The following PCDH11X variants were observed in gnomAD, a reference collection of about 807,000 sequenced individuals.
PCDH11X encodes protocadherin-11 X-linked.
PCDH11X carries 18 observed loss-of-function variants against 53.3 expected under a neutral mutation model. The ratio of observed to expected loss-of-function variants is 0.34; its 90% confidence interval spans 0.23 to 0.50. The LOEUF (loss-of-function observed/expected upper bound fraction) is 0.50, where lower values mean the gene tolerates loss of function less well. Among genes scored for constraint, PCDH11X ranks in the 20% least tolerant of loss-of-function variants. PCDH11X has a pLI of 0.98. For missense variants in PCDH11X, 570 were observed against 1,032.4 expected, an observed-to-expected ratio of 0.55 and a Z score of 6.14; for synonymous variants, 279 against 393.3, an observed-to-expected ratio of 0.71 and a Z score of 3.44.
intron 6 of PCDH11X, among the ~76,000 whole-genome samples, chrX:92,107,836 C>T (rs1340792346): frequency 8.9e-6 from 1 of 112,211 alleles, no homozygotes; most frequent in Non-Finnish European, 1.9e-5. Flanking sequence ...CATGGTCACT[C>T]ATATTTGGCT....
At chrX:92,412,506 ATAG>A (rs768818663) in intron 9 of PCDH11X, among the ~76,000 whole-genome samples, 4,857 of 55,852 alleles carry the variant, frequency 0.087, 145 homozygotes, top group South Asian at 0.16. Flanking sequence ...AATAAAGAAA[ATAG>A]TATATATATA....
intron 8 of PCDH11X, among the ~76,000 whole-genome samples, chrX:92,358,180 A>T (rs1318149062): frequency 3.8e-5 from 4 of 104,409 alleles, no homozygotes; most frequent in African/African-American, 6.9e-5. Flanking sequence ...TAGCTAAAAA[A>T]ATTATAGGTC....
At chrX:92,155,686 G>A (rs1369271148) in intron 6 of PCDH11X, among the ~76,000 whole-genome samples, 1 of 102,797 alleles carries the variant, frequency 9.7e-6, no homozygotes, top group East Asian at 3.1e-4. Flanking sequence ...GAGTGCAGTG[G>A]CGCCATCTCG....
intron 7 of PCDH11X, among the ~76,000 whole-genome samples, chrX:92,251,161 C>T (rs146115424): frequency 0.052 from 5,762 of 110,273 alleles, 260 homozygotes; most frequent in East Asian, 0.21. Context: ...CTATTGTACA[C>T]ATTATAGAAC....
chrX:91,913,688 A>G (rs781231546), intron 6 of PCDH11X, among the ~76,000 whole-genome samples: 24 of 111,595 alleles, frequency 2.2e-4, no homozygotes, highest in Non-Finnish European at 4.1e-4. Context: ...AACACCTGAG[A>G]AACCAAAATA....
At chrX:92,568,417 G>A (rs1259318613) in intron 10 of PCDH11X, among the ~76,000 whole-genome samples, 1 of 102,866 alleles carries the variant, frequency 9.7e-6, no homozygotes, top group Non-Finnish European at 2.0e-5. Flanking sequence ...GTGAGACTCT[G>A]TCTCCAAAAA....
intron 8 of PCDH11X, among the ~76,000 whole-genome samples, chrX:92,323,737 TC>T (rs1753594263): frequency 9.0e-6 from 1 of 110,566 alleles, no homozygotes; most frequent in Non-Finnish European, 1.9e-5. Context: ...TATTAATCAC[TC>T]CCCAAGACCA....
intron 6 of PCDH11X, among the ~76,000 whole-genome samples, chrX:92,121,632 G>A (rs1368945998): frequency 6.3e-5 from 7 of 111,778 alleles, no homozygotes; most frequent in African/African-American, 1.3e-4. Context: ...TTCTTGGACC[G>A]TATTAGCAAT....
chrX:91,802,267 G>T (rs1251969165), intron 1 of PCDH11X, among the ~76,000 whole-genome samples: 1 of 112,617 alleles, frequency 8.9e-6, no homozygotes, highest in Non-Finnish European at 1.9e-5. Flanking sequence ...TGTGTCTTTT[G>T]TCATTTTTTC....
At chrX:92,175,754 A>ATGTG (rs1181578637) in intron 6 of PCDH11X, among the ~76,000 whole-genome samples, 4 of 20,880 alleles carry the variant, frequency 1.9e-4, no homozygotes, top group African/African-American at 4.3e-4. Context: ...GTGTATACAT[A>ATGTG]TATGTGTGTG....
intron 6 of PCDH11X, among the ~76,000 whole-genome samples, chrX:91,896,108 TTTAC>T (rs956414025): frequency 2.8e-5 from 3 of 107,616 alleles, no homozygotes; most frequent in Non-Finnish European, 3.8e-5. Flanking sequence ...GGAGAAATAT[TTTAC>T]TTACTTAATT....
At chrX:91,894,284 G>A (rs1365154074) in intron 6 of PCDH11X, among the ~76,000 whole-genome samples, 3 of 111,559 alleles carry the variant, frequency 2.7e-5, no homozygotes, top group Non-Finnish European at 5.7e-5. Context: ...TCTTAAAGTC[G>A]GTGACTATTT....
intron 6 of PCDH11X, among the ~76,000 whole-genome samples, chrX:92,132,270 A>G (rs1239870074): frequency 1.5e-5 from 1 of 64,739 alleles, no homozygotes; most frequent in South Asian, 1.3e-3. Context: ...GGGCAACAAG[A>G]GCAAACCTCT....
chrX:92,527,525 T>C (rs993054199), intron 10 of PCDH11X, among the ~76,000 whole-genome samples: 1 of 111,330 alleles, frequency 9.0e-6, no homozygotes, highest in African/African-American at 3.3e-5. Context: ...ACACATGGTA[T>C]TATTAACATA....
intron 10 of PCDH11X, among the ~76,000 whole-genome samples, chrX:92,512,724 C>A (rs1313220879): frequency 8.9e-6 from 1 of 111,833 alleles, no homozygotes; most frequent in Non-Finnish European, 1.9e-5. Flanking sequence ...AAATCAAAGT[C>A]TTTTAGATCA....
chrX:91,904,768 T>C, intron 6 of PCDH11X, among the ~76,000 whole-genome samples: 1 of 110,275 alleles, frequency 9.1e-6, no homozygotes. Context: ...TATCCAATAT[T>C]AATGAATGGT....
chrX:92,357,679 A>G (rs926465251), intron 8 of PCDH11X, among the ~76,000 whole-genome samples: 1 of 109,723 alleles, frequency 9.1e-6, no homozygotes, highest in Non-Finnish European at 1.9e-5. Flanking sequence ...AAGAACTGTG[A>G]GAAATAAATC....
chrX:92,174,359 T>A (rs2065872127), intron 6 of PCDH11X, among the ~76,000 whole-genome samples: 1 of 111,516 alleles, frequency 9.0e-6, no homozygotes, highest in Non-Finnish European at 1.9e-5. Context: ...TGACATTGAG[T>A]TCACACTCTT....
chrX:91,913,175 G>T (rs1362572528), intron 6 of PCDH11X, among the ~76,000 whole-genome samples: 1 of 110,986 alleles, frequency 9.0e-6, no homozygotes, highest in East Asian at 2.9e-4. Flanking sequence ...AATTGGTAGT[G>T]GTTTTGGCTG....
Sources: gnomAD v4.1 joint callset for allele counts (sites outside exome capture counted in the v4.1 genomes callset) on GRCh38, gnomAD v4.1.1 for gene constraint, MANE v1.5 for transcripts, NCBI Gene and HGNC (gene_info 2026-07-23, HGNC 2026-07-21) for gene names.